The following LRBA variants were observed in gnomAD, a reference collection of about 807,000 sequenced individuals.
The protein encoded by LRBA is lipopolysaccharide-responsive and beige-like anchor protein.
A neutral mutation model predicts 330.0 loss-of-function variants in LRBA; 176 were observed. The observed-to-expected ratio is 0.53, with a 90% CI of 0.47 to 0.60. LRBA has a LOEUF of 0.60. Ranked by LOEUF, LRBA falls within the 20% of genes least tolerant of loss-of-function variation. The pLI is 0.00. For synonymous variants in LRBA, 1,230 were observed against 1,193.0 expected, an observed-to-expected ratio of 1.03 and a Z score of -0.64; for missense variants, 3,259 against 3,444.8, an observed-to-expected ratio of 0.95 and a Z score of 1.35.
At chr4:150,945,999 C>T (rs967730792) in intron 2 of LRBA, among the ~76,000 whole-genome samples, 22 of 152,148 alleles carry the variant, frequency 1.4e-4, no homozygotes, top group African/African-American at 5.1e-4. Flanking sequence ...GGGGTTTCAC[C>T]GTGTTAGCCA....
At chr4:150,883,522 A>C (rs1728632521) in intron 17 of LRBA, among the ~76,000 whole-genome samples, 1 of 152,160 alleles carries the variant, frequency 6.6e-6, no homozygotes, top group African/African-American at 2.4e-5. Context: ...CAGGTACTGA[A>C]ATTATGTATC....
chr4:150,875,726 G>A (rs1753951158), intron 17 of LRBA, among the ~76,000 whole-genome samples: 1 of 152,028 alleles, frequency 6.6e-6, no homozygotes, highest in Non-Finnish European at 1.5e-5. Context: ...ACATTACAGA[G>A]AAAGAAAAAA....
At chr4:150,501,563 G>A (rs1418715661) in intron 40 of LRBA, among the ~76,000 whole-genome samples, 1 of 151,938 alleles carries the variant, frequency 6.6e-6, no homozygotes, top group Non-Finnish European at 1.5e-5. Context: ...AGTGAGCCAA[G>A]GTCGTGCCAC....
chr4:150,946,786 A>G (rs887812370), intron 2 of LRBA, among the ~76,000 whole-genome samples: 19 of 152,070 alleles, frequency 1.2e-4, no homozygotes, highest in Non-Finnish European at 1.0e-4. Flanking sequence ...ACAATAATCA[A>G]TGAAGAGCTA....
intron 43 of LRBA, among the ~76,000 whole-genome samples, chr4:150,470,765 G>C (rs189244109): frequency 6.6e-5 from 10 of 151,820 alleles, no homozygotes; most frequent in African/African-American, 2.4e-4. Context: ...CAAATGGTTG[G>C]TGCCTTGTGA....
chr4:150,905,584 A>G lies in LRBA; in HGVS notation c.1755+254T>C, dbSNP rs370079414. On this transcript the variant is annotated intron_variant, in intron 13 of 56. Transcript: ENST00000651943. ...ACAAAGACTATACCTGTATCTTTTA[A>G]AATAATGATATTGTTTACAAAGAAT... Among the ~76,000 whole-genome samples, 385 of 152,152 alleles carry G rather than the reference A, an allele frequency of 2.5e-3. 16 individuals are homozygous for G. In the South Asian group the frequency reaches 0.078, roughly 31 times the overall value.
chr4:150,490,928 C>G lies in LRBA; in HGVS notation c.6438G>C (p.Met2146Ile), dbSNP rs199542511. ...LLQNTALEIFMANRVAVMFNF... is the reference protein window; with the variant it reads ...LLQNTALEIFIANRVAVMFNF... ...TCTGTAACACATTACCTCTGTTTGCCATAAAGATCTCCAGGGCTGTATTTT... is the reference window on the plus strand; with the variant it reads ...TCTGTAACACATTACCTCTGTTTGCGATAAAGATCTCCAGGGCTGTATTTT... Residue 2146 changes from methionine (M) to isoleucine (I), a missense_variant, in exon 41 of 57, where the codon ATG becomes ATC. Met to Ile is a conservative substitution (Grantham distance 10). Coordinates refer to ENST00000651943, the MANE Select transcript of LRBA (RefSeq NM_001364905.1). The G allele has an allele frequency of 4.4e-6, 7 of 1,596,336 alleles. No homozygotes were observed. In the Admixed American group the frequency reaches 5.0e-5, roughly 11 times the overall value.
At chr4:150,334,814 T>C (rs867646467) in intron 48 of LRBA, among the ~76,000 whole-genome samples, 4 of 148,206 alleles carry the variant, frequency 2.7e-5, no homozygotes, top group African/African-American at 9.9e-5. Context: ...TTATTAAGTT[T>C]TTTTTGTTTT....
chr4:150,425,152 G>A (rs1165439160), intron 46 of LRBA, among the ~76,000 whole-genome samples: 1 of 152,172 alleles, frequency 6.6e-6, no homozygotes, highest in Non-Finnish European at 1.5e-5. Context: ...TTTGACAGAT[G>A]AAATGTAGTA....
chr4:150,992,208 C>T (rs1258534212), intron 2 of LRBA, among the ~76,000 whole-genome samples: 2 of 151,664 alleles, frequency 1.3e-5, no homozygotes, highest in Admixed American at 6.6e-5. Flanking sequence ...CCCAGCTACT[C>T]GTGAGGCTGA....
intron 4 of LRBA, among the ~76,000 whole-genome samples, chr4:150,925,085 G>A (rs1176951547): frequency 6.6e-6 from 1 of 150,942 alleles, no homozygotes; most frequent in Non-Finnish European, 1.5e-5. Context: ...TGGATCTCTT[G>A]ATACCAGGAA....
intron 2 of LRBA, among the ~76,000 whole-genome samples, chr4:150,933,676 C>T (rs1309131592): frequency 1.3e-5 from 2 of 148,894 alleles, no homozygotes; most frequent in Non-Finnish European, 3.0e-5. Context: ...GAATTTTGTG[C>T]CATGAACACA....
intron 36 of LRBA, among the ~76,000 whole-genome samples, chr4:150,692,952 C>T (rs1000892577): frequency 1.5e-4 from 23 of 152,184 alleles, no homozygotes; most frequent in African/African-American, 4.8e-4. Flanking sequence ...CAAGGATGTA[C>T]GCCAGACATA....
At chr4:150,701,727 T>C (rs543954419) in intron 36 of LRBA, among the ~76,000 whole-genome samples, 2 of 152,322 alleles carry the variant, frequency 1.3e-5, no homozygotes, top group African/African-American at 4.8e-5. Flanking sequence ...ACCGCCATGG[T>C]AGTAGATATC....
At chr4:150,366,719 C>T (rs752604863) in intron 47 of LRBA, among the ~76,000 whole-genome samples, 14 of 152,164 alleles carry the variant, frequency 9.2e-5, no homozygotes, top group Non-Finnish European at 1.6e-4. Flanking sequence ...TGCAGCTAGC[C>T]ATAAGAGGAG....
chr4:150,307,892 C>T (rs1184090906), intron 52 of LRBA, among the ~76,000 whole-genome samples: 5 of 152,086 alleles, frequency 3.3e-5, no homozygotes, highest in African/African-American at 9.7e-5. Flanking sequence ...CTTTCCTACA[C>T]CTACAGAATA....
chr4:150,775,807 A>G (rs1413750534), intron 34 of LRBA, among the ~76,000 whole-genome samples: 50 of 11,884 alleles, frequency 4.2e-3, no homozygotes, highest in African/African-American at 5.7e-3. Context: ...GAAAGAATGA[A>G]AAAAAAAAAA....
chr4:150,373,176 A>T (rs866537616), intron 47 of LRBA, among the ~76,000 whole-genome samples: 205 of 138,244 alleles, frequency 1.5e-3, no homozygotes, highest in East Asian at 5.9e-3. Flanking sequence ...TGTGTGTGAG[A>T]GAGAGAGAGA....
chr4:151,005,474 TAC>T (rs1453489402), intron 2 of LRBA, among the ~76,000 whole-genome samples: 1 of 136,460 alleles, frequency 7.3e-6, no homozygotes, highest in African/African-American at 2.8e-5. Flanking sequence ...ACCCTGTATA[TAC>T]CACATTAGAT....
Sources: gnomAD v4.1 joint callset for allele counts (sites outside exome capture counted in the v4.1 genomes callset) on GRCh38, gnomAD v4.1.1 for gene constraint, MANE v1.5 for transcripts, NCBI Gene and HGNC (gene_info 2026-07-23, HGNC 2026-07-21) for gene names.